Variants in GABBR2 observed in about 807,000 individuals in gnomAD.
GABBR2 encodes G-protein coupled receptor 51.
In GABBR2, 23 loss-of-function variants were observed where a neutral mutation model predicts 105.6. That is an observed-to-expected ratio of 0.22 (90% CI 0.16 to 0.31). GABBR2 has a LOEUF of 0.31. GABBR2 is among the 10% of genes least tolerant of loss of function. The pLI, the probability that GABBR2 is intolerant of heterozygous loss-of-function variation, is 1.00. For synonymous variants in GABBR2, 478 were observed against 499.7 expected (o/e 0.96, Z 0.58); for missense variants, 734 against 1,245.5 (o/e 0.59, Z 6.18).
chr9:98,316,618 C>G (rs1215166986), intron 13 of GABBR2, among the ~76,000 whole-genome samples: 1 of 152,172 alleles, frequency 6.6e-6, no homozygotes, highest in Non-Finnish European at 1.5e-5. Context: ...GTCCTCATGG[C>G]TCTCCCATTC....
At chr9:98,520,139 T>C (rs370889747) in intron 3 of GABBR2, among the ~76,000 whole-genome samples, 68 of 152,328 alleles carry the variant, frequency 4.5e-4, no homozygotes, top group African/African-American at 1.4e-3. Flanking sequence ...GGTAAGCTAA[T>C]ATACGCTAAG....
At chr9:98,407,522 A>G (rs1024983956) in intron 7 of GABBR2, among the ~76,000 whole-genome samples, 1 of 152,190 alleles carries the variant, frequency 6.6e-6, no homozygotes, top group Non-Finnish European at 1.5e-5. Flanking sequence ...AGGAGCTGTG[A>G]TTTTTATTTC....
chr9:98,397,228 G>A (rs528291233), intron 8 of GABBR2, among the ~76,000 whole-genome samples: 20 of 152,204 alleles, frequency 1.3e-4, no homozygotes, highest in Non-Finnish European at 2.8e-4. Flanking sequence ...AAGCAGCACT[G>A]CAGGTGGTGG....
At chr9:98,705,867 G>A (rs146834872) in intron 1 of GABBR2, among the ~76,000 whole-genome samples, 16 of 152,122 alleles carry the variant, frequency 1.1e-4, no homozygotes, top group East Asian at 1.9e-4. Flanking sequence ...ACCTGAGGTC[G>A]GGAGTTCAAG....
intron 13 of GABBR2, among the ~76,000 whole-genome samples, chr9:98,346,146 A>G (rs908243836): frequency 1.3e-5 from 2 of 152,230 alleles, no homozygotes; most frequent in Non-Finnish European, 2.9e-5. Context: ...TTCTTAAGAT[A>G]ATAACGGAGT....
chr9:98,491,155 T>C (rs555242305), intron 4 of GABBR2, among the ~76,000 whole-genome samples: 5 of 152,300 alleles, frequency 3.3e-5, no homozygotes, highest in African/African-American at 1.2e-4. Context: ...TCCGTGAGCA[T>C]GTTATTCTCA....
chr9:98,609,942 G>C (rs1258641624), intron 1 of GABBR2, among the ~76,000 whole-genome samples: 1 of 152,200 alleles, frequency 6.6e-6, no homozygotes, highest in African/African-American at 2.4e-5. Context: ...AAAGGGCAGA[G>C]GGGCCATGGC....
At chr9:98,651,300 C>T (rs568073750) in intron 1 of GABBR2, among the ~76,000 whole-genome samples, 8 of 151,968 alleles carry the variant, frequency 5.3e-5, no homozygotes, top group South Asian at 2.1e-4. Flanking sequence ...TGCACCACCA[C>T]GCCCAGCTAA....
At chr9:98,486,770 G>A (rs1183729251) in intron 4 of GABBR2, among the ~76,000 whole-genome samples, 2 of 152,238 alleles carry the variant, frequency 1.3e-5, no homozygotes, top group Admixed American at 1.3e-4. Context: ...GGAAGCCCAG[G>A]CCAGTCCTGT....
chr9:98,289,173 C>T lies in GABBR2; in HGVS notation c.*1411G>A, dbSNP rs1830247550. 1.3e-5 allele frequency: 2 copies of T among 152,576 alleles called. No homozygotes were observed. Among genetic ancestry groups the T allele is most frequent in the East Asian group, 3.9e-4 (2 of 5,190 alleles). 9.5% of individuals were successfully genotyped at this position (152,576 alleles called of 1,614,324 possible). On this transcript the variant is annotated 3_prime_UTR_variant, in exon 19 of 19. Coordinates refer to ENST00000259455, the MANE Select transcript of GABBR2 (RefSeq NM_005458.8). Reference sequence around the variant, plus strand: ...GCTGAAGGTCAGAGTCATACTCATACCTCACGGATCAGGGCGGCTTCACTG... The same window carrying T: ...GCTGAAGGTCAGAGTCATACTCATATCTCACGGATCAGGGCGGCTTCACTG...
At chr9:98,358,297 T>C (rs1831523943) in intron 13 of GABBR2, among the ~76,000 whole-genome samples, 1 of 152,192 alleles carries the variant, frequency 6.6e-6, no homozygotes, top group Non-Finnish European at 1.5e-5. Flanking sequence ...TTCCAAGTGG[T>C]TGTGCCAATG....
At chr9:98,328,649 A>C (rs751936290) in intron 13 of GABBR2, among the ~76,000 whole-genome samples, 3 of 152,236 alleles carry the variant, frequency 2.0e-5, no homozygotes, top group Non-Finnish European at 4.4e-5. Flanking sequence ...GTAGCAGGGA[A>C]GTGAAATTAA....
chr9:98,328,618 T>A (rs1395028026), intron 13 of GABBR2, among the ~76,000 whole-genome samples: 1 of 152,198 alleles, frequency 6.6e-6, no homozygotes, highest in Non-Finnish European at 1.5e-5. Flanking sequence ...AAGAGAGGGT[T>A]ATTAAAAAAG....
chr9:98,580,616 C>T (rs1236231851), intron 1 of GABBR2, among the ~76,000 whole-genome samples: 5 of 152,078 alleles, frequency 3.3e-5, no homozygotes, highest in Admixed American at 6.5e-5. Context: ...GGCGAAACCC[C>T]GTCTCTATTA....
At chr9:98,543,424 C>T (rs1488730306) in intron 2 of GABBR2, among the ~76,000 whole-genome samples, 1 of 151,960 alleles carries the variant, frequency 6.6e-6, no homozygotes, top group Non-Finnish European at 1.5e-5. Flanking sequence ...GAGTACAATG[C>T]TGCTATCATA....
At chr9:98,364,584 G>A (rs1831643083) in intron 12 of GABBR2, among the ~76,000 whole-genome samples, 1 of 149,154 alleles carries the variant, frequency 6.7e-6, no homozygotes, top group South Asian at 2.1e-4. Context: ...GCTCAAGTAT[G>A]AAGTCTGAGG....
intron 1 of GABBR2, among the ~76,000 whole-genome samples, chr9:98,684,007 CAAAAAAA>C (rs367642589): frequency 1.9e-5 from 2 of 105,932 alleles, no homozygotes; most frequent in African/African-American, 3.7e-5. Context: ...GACTCCATCT[CAAAAAAA>C]AAAAAAAAAA....
At chr9:98,300,986 C>T (rs559580091) in intron 16 of GABBR2, among the ~76,000 whole-genome samples, 6 of 152,314 alleles carry the variant, frequency 3.9e-5, no homozygotes, top group Admixed American at 6.5e-5. Flanking sequence ...TAGCTGAACA[C>T]GTGAAGGTTC....
intron 12 of GABBR2, 118 bp downstream of exon 12, chr9:98,371,346 G>A: frequency 3.1e-6 from 2 of 649,262 alleles, no homozygotes; most frequent in Middle Eastern, 3.2e-4. Flanking sequence ...AGGAGGTAGG[G>A]ATTGTGTTTA....
Sources: allele counts gnomAD v4.1 joint callset (sites outside exome capture counted in the v4.1 genomes callset), GRCh38; gene constraint gnomAD v4.1.1; transcripts MANE v1.5; gene names NCBI Gene and HGNC (gene_info 2026-07-23, HGNC 2026-07-21).